The following RBX1 variants were observed in gnomAD, a reference collection of about 807,000 sequenced individuals.
RBX1 encodes the protein E3 ubiquitin-protein ligase RBX1.
For synonymous variants in RBX1, 48 were observed against 47.9 expected, an observed-to-expected ratio of 1.00 and a Z score of -0.01; for missense variants, 46 against 141.4, an observed-to-expected ratio of 0.33 and a Z score of 3.42.
intron 4 of RBX1, among the ~76,000 whole-genome samples, chr22:40,971,075 T>A (rs1191034450): frequency 6.6e-6 from 1 of 152,196 alleles, no homozygotes; most frequent in Non-Finnish European, 1.5e-5. Context: ...GCCTTTGTAA[T>A]TGGCTCTGCC....
At chr22:40,962,752 A>T (rs1043518238) in intron 2 of RBX1, among the ~76,000 whole-genome samples, 1 of 145,092 alleles carries the variant, frequency 6.9e-6, no homozygotes, top group Non-Finnish European at 1.5e-5. Context: ...CAGTGCAGTG[A>T]TGCAATCTTG....
chr22:40,971,595 A>T (rs553391483), intron 4 of RBX1, among the ~76,000 whole-genome samples: 1 of 152,220 alleles, frequency 6.6e-6, no homozygotes, highest in East Asian at 1.9e-4. Flanking sequence ...TCACTGTGTC[A>T]CCTAGGCTGG....
chr22:40,962,649 CCA>C (rs1397173005), intron 2 of RBX1, among the ~76,000 whole-genome samples: 3 of 151,032 alleles, frequency 2.0e-5, no homozygotes, highest in South Asian at 4.2e-4. Flanking sequence ...GCGCCCACCA[CCA>C]CACACACCTG....
At chr22:40,951,958 G>A (rs1490373546) in intron 1 of RBX1, among the ~76,000 whole-genome samples, 2 of 151,974 alleles carry the variant, frequency 1.3e-5, no homozygotes, top group African/African-American at 2.4e-5. Context: ...TGAAGCTTGG[G>A]GTCCTCTCAC....
At chr22:40,958,710 A>G (rs956440843) in intron 2 of RBX1, among the ~76,000 whole-genome samples, 13 of 152,304 alleles carry the variant, frequency 8.5e-5, no homozygotes, top group African/African-American at 2.9e-4. Context: ...AATCTTCATC[A>G]TCTTAGACCC....
intron 2 of RBX1, among the ~76,000 whole-genome samples, chr22:40,956,830 T>C (rs911048261): frequency 1.5e-4 from 22 of 150,168 alleles, no homozygotes; most frequent in Middle Eastern, 3.3e-3. Context: ...GGTCCAGAGA[T>C]CGAGACCATC....
chr22:40,953,058 T>G (rs1277846385), intron 1 of RBX1, among the ~76,000 whole-genome samples: 1 of 146,724 alleles, frequency 6.8e-6, no homozygotes, highest in Admixed American at 7.0e-5. Flanking sequence ...TGGCACGATC[T>G]TGGCTCACTG....
At chr22:40,962,672 A>G (rs1478448473) in intron 2 of RBX1, among the ~76,000 whole-genome samples, 1 of 135,124 alleles carries the variant, frequency 7.4e-6, no homozygotes, top group Admixed American at 7.4e-5. Flanking sequence ...GCTAATTTTT[A>G]TTTATTTTTT....
At chr22:40,961,676 T>A (rs2146300352) in intron 2 of RBX1, among the ~76,000 whole-genome samples, 1 of 152,230 alleles carries the variant, frequency 6.6e-6, no homozygotes, top group South Asian at 2.1e-4. Context: ...AACGCTGGGA[T>A]TATAGGCGTG....
At chr22:40,965,757 G>A (rs756540456) in intron 3 of RBX1, among the ~76,000 whole-genome samples, 8 of 152,138 alleles carry the variant, frequency 5.3e-5, no homozygotes, top group Non-Finnish European at 1.0e-4. Context: ...CCGCACTTTC[G>A]GGTACACCTT....
intron 4 of RBX1, among the ~76,000 whole-genome samples, chr22:40,969,857 C>G (rs1255607371): frequency 6.6e-6 from 1 of 151,144 alleles, no homozygotes. Flanking sequence ...CCACTGCACT[C>G]CAGTCTAAAT....
chr22:40,959,178 G>C (rs1352074055), intron 2 of RBX1, among the ~76,000 whole-genome samples: 3 of 152,178 alleles, frequency 2.0e-5, no homozygotes, highest in Non-Finnish European at 4.4e-5. Flanking sequence ...TTCCTTAACA[G>C]TTCTTTGGTG....
At chr22:40,953,517 C>A (rs1569041939) in intron 1 of RBX1, 38 bp from the exon 2 acceptor site, 4 of 1,350,964 alleles carry the variant, frequency 3.0e-6, no homozygotes, top group Admixed American at 3.4e-5. Flanking sequence ...GTGTGTGTTA[C>A]AAGCAGAATG....
At chr22:40,958,316 A>T (rs1480877016) in intron 2 of RBX1, among the ~76,000 whole-genome samples, 1 of 152,138 alleles carries the variant, frequency 6.6e-6, no homozygotes, top group Non-Finnish European at 1.5e-5. Flanking sequence ...TTAAAAAAAA[A>T]AAAAGGATTT....
At position 40,959,019 on chromosome 22, in the gene RBX1, G is replaced by A. The variant is rs138157070; in HGVS notation, c.158-5028G>A. On this transcript the variant is annotated intron_variant, in intron 2 of 4. Coordinates refer to ENST00000216225, the MANE Select transcript of RBX1 (RefSeq NM_014248.4). ...AGTAGAAACAGGGTTTCACCATGTT[G>A]GCCAGTCTGGTCTCTTTAACTCCTG... Among the ~76,000 whole-genome samples the A allele has an allele frequency of 8.9e-3, 1,354 of 152,222 alleles. 11 individuals are homozygous for A. Among genetic ancestry groups the A allele is most frequent in the Non-Finnish European group, 0.014 (985 of 68,024 alleles).
chr22:40,967,948 C>G, intron 4 of RBX1, 64 bp downstream of exon 4: 1 of 1,135,522 alleles, frequency 8.8e-7, no homozygotes, highest in Non-Finnish European at 1.3e-6. Flanking sequence ...GGAGCGTGGT[C>G]TTGGGGGATG....
chr22:40,970,823 A>G (rs904899094), intron 4 of RBX1, among the ~76,000 whole-genome samples: 4 of 152,328 alleles, frequency 2.6e-5, no homozygotes, highest in South Asian at 4.1e-4. Flanking sequence ...TTTAAATTCA[A>G]TAATTTATTT....
intron 4 of RBX1, among the ~76,000 whole-genome samples, chr22:40,970,053 T>TAAAAA (rs71328761): frequency 1.8e-5 from 2 of 109,706 alleles, no homozygotes; most frequent in African/African-American, 3.7e-5. Context: ...AGACCCAATT[T>TAAAAA]AAAAAAAAAA....
At chr22:40,969,407 A>G (rs2058362492) in intron 4 of RBX1, among the ~76,000 whole-genome samples, 1 of 152,184 alleles carries the variant, frequency 6.6e-6, no homozygotes, top group Non-Finnish European at 1.5e-5. Context: ...AGCTTTGTGT[A>G]AATGTGTAGC....
Sources: allele counts gnomAD v4.1 joint callset (sites outside exome capture counted in the v4.1 genomes callset), GRCh38; gene constraint gnomAD v4.1.1; transcripts MANE v1.5; gene names NCBI Gene and HGNC (gene_info 2026-07-23, HGNC 2026-07-21).